The following KCNAB3 variants were observed in gnomAD, a reference collection of about 807,000 sequenced individuals.
KCNAB3 encodes the protein voltage-gated potassium channel subunit beta-3.
Under a neutral mutation model 67.7 loss-of-function variants are expected in KCNAB3, and 62 were observed. The ratio of observed to expected loss-of-function variants is 0.92; its 90% CI spans 0.75 to 1.13. The LOEUF (loss-of-function observed/expected upper bound fraction) is 1.13, where lower values mean the gene tolerates loss of function less well. Ranked by LOEUF, KCNAB3 falls within the 50% of genes most tolerant of loss-of-function variation. The pLI, the probability that KCNAB3 is intolerant of heterozygous loss-of-function variation, is 0.00. For missense variants in KCNAB3, 514 were observed against 522.9 expected, an observed-to-expected ratio of 0.98 and a Z score of 0.17; for synonymous variants, 212 against 205.4, an observed-to-expected ratio of 1.03 and a Z score of -0.27.
chr17:7,924,108 T>A (rs1324945387), intron 10 of KCNAB3, 37 bp downstream of exon 10: 1 of 1,613,998 alleles, frequency 6.2e-7, no homozygotes, highest in African/African-American at 1.3e-5. Context: ...TAGCCATGGA[T>A]GAGGCTAAGG....
rs1267530671 is a variant in KCNAB3, at chr17:7,922,873, A to G, written c.*229T>C. 1 of 578,442 alleles carries G rather than the reference A, an allele frequency of 1.7e-6. No individual in the cohort carries two copies. Among genetic ancestry groups the G allele is most frequent in the African/African-American group, 1.9e-5 (1 of 53,456 alleles). The allele number at this position is 578,442 out of a possible 1,614,324, so 35.8% of individuals were successfully genotyped here. ...TGCCCGGGATTTGCAAGAAGGGCCT[A>G]GAAAGACGCAGCAGGGGGCGGGCGT... On this transcript the variant is annotated 3_prime_UTR_variant, in exon 14 of 14. Coordinates refer to ENST00000303790, the MANE Select transcript of KCNAB3 (RefSeq NM_004732.4).
chr17:7,924,153 T>C lies in KCNAB3; in HGVS notation c.824A>G (p.His275Arg). The C allele has an allele frequency of 6.2e-7, 1 of 1,614,184 alleles. No homozygotes were observed. Among genetic ancestry groups the C allele is most frequent in the Non-Finnish European group, 8.5e-7 (1 of 1,180,036 alleles). ...GGATGAGGGCTGCAAACCAATCTTG[T>C]GGTAGAGCTCTGGCAGCTGCATCTC... The part of the protein sequence containing the change: ...KVEMQLPELY[H>R]KIGVGSVTWY... The change falls in exon 10 of 14, where the codon CAC becomes CGC. Residue 275 changes from histidine to arginine, a missense_variant. Physicochemically the swap from His to Arg is conservative, Grantham distance 29. Coordinates refer to ENST00000303790, the MANE Select transcript of KCNAB3 (RefSeq NM_004732.4).
intron 1 of KCNAB3, chr17:7,928,359 G>C (rs1972304377): frequency 5.8e-6 from 1 of 172,192 alleles, no homozygotes; most frequent in African/African-American, 2.4e-5. Context: ...TGGGGGGAGG[G>C]GGGAGAGTAA....
Position 7,923,491 on chromosome 17 carries a change from C to T in KCNAB3, c.1102G>A (p.Ala368Thr). 4 of 1,612,636 alleles carry T rather than the reference C, an allele frequency of 2.5e-6. No homozygotes were observed. Among genetic ancestry groups the T allele is most frequent in the Non-Finnish European group, 3.4e-6 (4 of 1,179,404 alleles). Residue 368 changes from alanine (A) to threonine (T), a missense_variant, in exon 13 of 14, where the codon GCG becomes ACG. Transcript: ENST00000303790. ...VSSVLLGVSS[A>T]EQLIEHLGAL... ...CCCAGGTGTTCTATCAACTGCTCCG[C>T]ACTCGACACCCCCAGCAAGACAGAG...
intron 7 of KCNAB3, 41 bp downstream of exon 7, chr17:7,925,641 TC>T (rs1474119353): frequency 1.2e-6 from 2 of 1,605,624 alleles, no homozygotes; most frequent in Non-Finnish European, 1.7e-6. Flanking sequence ...TCCTCTGGCT[TC>T]CATATCCCCT....
rs1972362960 is a variant in KCNAB3 at position 7,929,725 on chromosome 17, G to T, written c.-290C>A. The T allele has an allele frequency of 2.3e-6, 3 of 1,305,564 alleles. No homozygotes were observed. Among genetic ancestry groups the T allele is most frequent in the East Asian group, 7.4e-5 (2 of 26,850 alleles). 80.9% of individuals were successfully genotyped at this position (1,305,564 alleles called of 1,614,324 possible). A position where few individuals can be genotyped will look rare whatever the true frequency, so the allele number is the denominator to read the frequency against. On this transcript the variant is annotated 5_prime_UTR_variant, in exon 1 of 14. Coordinates refer to ENST00000303790, the MANE Select transcript of KCNAB3 (RefSeq NM_004732.4). This position sits in a 1 kb window ranked among gnomAD's most constrained non-coding sequence, Gnocchi z 5.7. The stretch of plus-strand genomic sequence containing the variant: ...GGAGGGGGAAATGGATGAGGGTAAA[G>T]GTCGAGGATGAGGTAAAGGTCTCGG...
chr17:7,928,974 A>G (rs1290404649), intron 1 of KCNAB3: 2 of 689,402 alleles, frequency 2.9e-6, no homozygotes, highest in Non-Finnish European at 2.4e-6. Context: ...TGGGTCTGAC[A>G]GGACCCAGTC....
intron 9 of KCNAB3, 36 bp downstream of exon 9, chr17:7,924,379 T>A: frequency 6.2e-7 from 1 of 1,610,380 alleles, no homozygotes; most frequent in South Asian, 1.1e-5. Flanking sequence ...TGGGAACCAG[T>A]TGTGGGACAG....
chr17:7,929,563 G>A lies in KCNAB3; in HGVS notation c.-128C>T, dbSNP rs1362268478. On this transcript the variant is annotated 5_prime_UTR_variant, in exon 1 of 14. Transcript: ENST00000303790. This position sits in a 1 kb window ranked among gnomAD's most constrained non-coding sequence, Gnocchi z 5.7. ...AGAGCGGGAAGGCTGAGGAGGCTGC[G>A]GCGGGAGCCGCCAGGCAGGATCGGG... 5 of 1,466,084 alleles carry A rather than the reference G, an allele frequency of 3.4e-6. No individual in the cohort carries two copies. In the South Asian group the frequency reaches 5.5e-5, roughly 16 times the overall value. 90.8% of individuals were successfully genotyped at this position (1,466,084 alleles called of 1,614,324 possible).
chr17:7,929,459 G>A lies in KCNAB3; in HGVS notation c.-24C>T, dbSNP rs941549767. The stretch of plus-strand genomic sequence containing the variant: ...ATGCTGGCTGGCCGAGGCGGGGGAG[G>A]GGGCTCCGAGGGGACGGGAGGGGGG... On this transcript the variant is annotated 5_prime_UTR_variant, in exon 1 of 14. Coordinates refer to ENST00000303790, the MANE Select transcript of KCNAB3 (RefSeq NM_004732.4). The surrounding 1 kb of genome is among the most constrained non-coding windows in gnomAD (Gnocchi z 5.7). 2.0e-6 allele frequency: 3 copies of A among 1,526,826 alleles called. No homozygotes were observed. Among genetic ancestry groups the A allele is most frequent in the African/African-American group, 1.4e-5 (1 of 72,062 alleles). The allele number at this position is 1,526,826 out of a possible 1,614,324, so 94.6% of individuals were successfully genotyped here.
chr17:7,925,793 A>C (rs1375705987), intron 6 of KCNAB3, 67 bp from the exon 7 acceptor site: 1 of 1,606,710 alleles, frequency 6.2e-7, no homozygotes, highest in Non-Finnish European at 8.5e-7. Context: ...GCTTGGAGCC[A>C]TAAGGAAATG....
At position 7,923,559 on chromosome 17, in the gene KCNAB3, G is replaced by A. The variant is rs746924753; in HGVS notation, c.1049-15C>T. ...GAGACACCACGCTGGGGCCAGAGGA[G>A]GAAAAAAAGAGGACTGATGGGGAAC... On this transcript the variant is annotated splice_polypyrimidine_tract_variant and intron_variant, in intron 12 of 13. Transcript: ENST00000303790. The A allele has an allele frequency of 6.3e-6, 10 of 1,589,344 alleles. No homozygotes were observed. The South Asian group carries it at 1.1e-4, about 18-fold the overall frequency.
Position 7,929,626 on chromosome 17 carries a change from G to A in KCNAB3, c.-191C>T. ...GGCTGCTGGAGGTCGCGAGGTTTGC[G>A]GCGGGAGGGAAGAAACGTGGGGGGC... On this transcript the variant is annotated 5_prime_UTR_variant, in exon 1 of 14. Coordinates refer to ENST00000303790, the MANE Select transcript of KCNAB3 (RefSeq NM_004732.4). This position sits in a 1 kb window ranked among gnomAD's most constrained non-coding sequence, Gnocchi z 5.7. 1 of 1,430,270 alleles carries A rather than the reference G, an allele frequency of 7.0e-7. No homozygotes were observed. Among genetic ancestry groups the A allele is most frequent in the Non-Finnish European group, 9.1e-7 (1 of 1,100,368 alleles). The allele number at this position is 1,430,270 out of a possible 1,614,324, so 88.6% of individuals were successfully genotyped here. A position where few individuals can be genotyped will look rare whatever the true frequency, so the allele number is the denominator to read the frequency against.
rs562803731 is a variant in KCNAB3, at chr17:7,922,831, C to T, written c.*271G>A. The T allele has an allele frequency of 1.3e-4, 70 of 529,944 alleles. No homozygotes were observed. In the South Asian group the frequency reaches 1.6e-3, roughly 12 times the overall value. The allele number at this position is 529,944 out of a possible 1,614,324, so 32.8% of individuals were successfully genotyped here. On this transcript the variant is annotated 3_prime_UTR_variant, in exon 14 of 14. Transcript: ENST00000303790. ...GGAGCGAGACGAAGTGGCAGAGAGCCGACGGCGAGTAGCTCATGCCCGGGA... is the reference window on the plus strand; with the variant it reads ...GGAGCGAGACGAAGTGGCAGAGAGCTGACGGCGAGTAGCTCATGCCCGGGA...
At chr17:7,925,551 A>AAG (rs1972198824) in intron 7 of KCNAB3, 132 bp downstream of exon 7, 1 of 546,560 alleles carries the variant, frequency 1.8e-6, no homozygotes, top group South Asian at 2.9e-5. Flanking sequence ...AAAAAAAAAA[A>AAG]GAATTCAGAC....
In KCNAB3 at chr17:7,927,329, C is replaced by G. The variant is rs1323277371; in HGVS notation, c.404+15G>C. Reference sequence around the variant, plus strand: ...CCTTCCAAATGGAGCTTAGCTCTTTCACCCCAGTCCTTACTTTCCTGCTGC... The same window carrying G: ...CCTTCCAAATGGAGCTTAGCTCTTTGACCCCAGTCCTTACTTTCCTGCTGC... On this transcript the variant is annotated intron_variant, in intron 4 of 13. Coordinates refer to ENST00000303790, the MANE Select transcript of KCNAB3 (RefSeq NM_004732.4). 6.2e-7 allele frequency: 1 copy of G among 1,611,218 alleles called. No homozygotes were observed. Among genetic ancestry groups the G allele is most frequent in the Non-Finnish European group, 8.5e-7 (1 of 1,178,086 alleles).
At chr17:7,923,932 A>T in intron 11 of KCNAB3, 36 bp downstream of exon 11, 1 of 1,536,704 alleles carries the variant, frequency 6.5e-7, no homozygotes, top group Non-Finnish European at 8.8e-7. Context: ...CAGCCCATAT[A>T]GCCCAGTCCT....
intron 7 of KCNAB3, 106 bp downstream of exon 7, chr17:7,925,577 T>G (rs770635050): frequency 5.0e-4 from 502 of 1,005,910 alleles, no homozygotes; most frequent in Non-Finnish European, 7.3e-4. Flanking sequence ...CCCCTTGCCA[T>G]GGCCACCTAA....
chr17:7,924,732 G>A (rs983600835), intron 8 of KCNAB3: 8 of 1,323,470 alleles, frequency 6.0e-6, no homozygotes, highest in Non-Finnish European at 7.7e-6. Flanking sequence ...GTTTGAGGAA[G>A]TGCTCAATTT....
Sources: gnomAD v4.1 joint callset for allele counts on GRCh38, gnomAD v4.1.1 for gene constraint, Gnocchi (gnomAD v3.1) non-coding constraint, MANE v1.5 for transcripts, NCBI Gene and HGNC (gene_info 2026-07-23, HGNC 2026-07-21) for gene names.